The following COL4A6 variants were observed in gnomAD, a reference collection of about 807,000 sequenced individuals.
The protein encoded by COL4A6 is collagen alpha-6(IV) chain.
In COL4A6, 59 loss-of-function variants were observed where a neutral mutation model predicts 126.7. The ratio of observed to expected loss-of-function variants is 0.47; its 90% CI spans 0.38 to 0.58. The LOEUF is 0.58. COL4A6 is among the 20% of genes least tolerant of loss of function. COL4A6 has a pLI of 0.00. For missense variants in COL4A6, 1,285 were observed against 1,337.3 expected (o/e 0.96, Z 0.61); for synonymous variants, 547 against 496.6 (o/e 1.10, Z -1.35).
At position 108,196,729 on chromosome X, in the gene COL4A6, A is replaced by G. The variant is rs2035231589; in HGVS notation, c.835-150T>C. ...TCTCTTGTCACTGCCTGAGAAGCAC[A>G]TAGGGTCTGAATATAAATTGGACCA... On this transcript the variant is annotated intron_variant, in intron 13 of 44. Coordinates refer to ENST00000334504, the MANE Select transcript of COL4A6 (RefSeq NM_033641.4). 3 of 458,671 alleles carry G rather than the reference A, an allele frequency of 6.5e-6. No individual in the cohort carries two copies. The Admixed American group carries it at 1.2e-4, about 18-fold the overall frequency. 37.8% of individuals were successfully genotyped at this position (458,671 alleles called of 1,213,427 possible). A position where few individuals can be genotyped will look rare whatever the true frequency, so the allele number is the denominator to read the frequency against.
intron 2 of COL4A6, among the ~76,000 whole-genome samples, chrX:108,376,476 C>G (rs5973826): frequency 0.079 from 8,733 of 111,187 alleles, 758 homozygotes; most frequent in African/African-American, 0.25. Flanking sequence ...ATGGTGGCAC[C>G]TGCCTGTAGT....
chrX:108,170,255 C>T (rs1344008198), intron 35 of COL4A6, among the ~76,000 whole-genome samples: 1 of 112,363 alleles, frequency 8.9e-6, no homozygotes, highest in Non-Finnish European at 1.9e-5. Context: ...GATGGCAGCT[C>T]ATTAGGTATC....
chrX:108,168,046 C>A (rs949918581), intron 37 of COL4A6, among the ~76,000 whole-genome samples: 12 of 112,093 alleles, frequency 1.1e-4, no homozygotes, highest in Non-Finnish European at 2.3e-4. Context: ...TTGATGGAAT[C>A]ATACCAAATG....
chrX:108,379,865 T>C (rs1181162840), intron 2 of COL4A6, among the ~76,000 whole-genome samples: 4 of 110,458 alleles, frequency 3.6e-5, no homozygotes, highest in Non-Finnish European at 7.6e-5. Context: ...AGAATATCCC[T>C]CCAGCAGTTG....
At chrX:108,268,319 T>C (rs1302914388) in intron 3 of COL4A6, 1 of 112,668 alleles carries the variant, frequency 8.9e-6, no homozygotes, top group Non-Finnish European at 1.9e-5. Flanking sequence ...TCAGCTAATA[T>C]TAATAATGAC....
chrX:108,397,280 T>C (rs1387602330), intron 2 of COL4A6, among the ~76,000 whole-genome samples: 1 of 111,879 alleles, frequency 8.9e-6, no homozygotes, highest in Non-Finnish European at 1.9e-5. Flanking sequence ...CTATTCTACA[T>C]AGAAATTATG....
intron 4 of COL4A6, among the ~76,000 whole-genome samples, chrX:108,220,472 A>G (rs1188899638): frequency 8.9e-6 from 1 of 112,211 alleles, no homozygotes; most frequent in Admixed American, 9.4e-5. Context: ...GAAGGTGATT[A>G]AAGTAGGCAG....
intron 2 of COL4A6, among the ~76,000 whole-genome samples, chrX:108,429,322 GTT>G (rs2064140499): frequency 8.9e-6 from 1 of 111,969 alleles, no homozygotes; most frequent in Non-Finnish European, 1.9e-5. Flanking sequence ...TGTGGAGACA[GTT>G]ATAAAACTGT....
intron 25 of COL4A6, 109 bp downstream of exon 25, chrX:108,180,406 G>T: frequency 1.5e-6 from 1 of 649,616 alleles, no homozygotes; most frequent in Non-Finnish European, 2.4e-6. Context: ...GAGCAAACTT[G>T]GCTTCCTGTA....
intron 2 of COL4A6, among the ~76,000 whole-genome samples, chrX:108,373,433 AC>A (rs2040370034): frequency 9.0e-6 from 1 of 111,664 alleles, no homozygotes; most frequent in African/African-American, 3.3e-5. Context: ...CATAGTGCTG[AC>A]CCTGAATTGT....
Position 108,310,776 on chromosome X carries a change from C to T in COL4A6, c.116G>A (p.Cys39Tyr). ...PCGGQDCSGS[C>Y]QCFPEKGARG... ...CGCTCCTTTCTCAGGAAAACACTGA[C>T]AGCTCCCACTGCAGTCCTGGCCCCC... The change falls in exon 3 of 45, where the codon TGT becomes TAT. Residue 39 changes from cysteine to tyrosine, a missense_variant. Transcript: ENST00000334504. 1 of 1,210,804 alleles carries T rather than the reference C, an allele frequency of 8.3e-7. No homozygotes were observed. Among genetic ancestry groups the T allele is most frequent in the Admixed American group, 2.2e-5 (1 of 46,015 alleles).
chrX:108,238,957 C>T (rs1424980412), intron 3 of COL4A6, among the ~76,000 whole-genome samples: 3 of 112,400 alleles, frequency 2.7e-5, no homozygotes, highest in African/African-American at 9.7e-5. Flanking sequence ...GGCTAATCAT[C>T]TCTTCATAGG....
chrX:108,318,080 A>G (rs1324335898), intron 2 of COL4A6, among the ~76,000 whole-genome samples: 1 of 112,194 alleles, frequency 8.9e-6, no homozygotes, highest in East Asian at 2.8e-4. Context: ...TATGCAAATC[A>G]ATAAATGTAA....
intron 3 of COL4A6, among the ~76,000 whole-genome samples, chrX:108,289,585 T>C (rs751646550): frequency 9.0e-6 from 1 of 111,376 alleles, no homozygotes; most frequent in South Asian, 3.8e-4. Context: ...CTCTAATTAT[T>C]GTAGGTGCAA....
At chrX:108,350,274 A>G (rs2039809155) in intron 2 of COL4A6, among the ~76,000 whole-genome samples, 1 of 112,092 alleles carries the variant, frequency 8.9e-6, no homozygotes. Context: ...CAGGAATAAT[A>G]TTTTGGAAAA....
chrX:108,414,786 T>C (rs1482969484), intron 2 of COL4A6, among the ~76,000 whole-genome samples: 2 of 111,011 alleles, frequency 1.8e-5, no homozygotes, highest in Non-Finnish European at 3.8e-5. Flanking sequence ...AGTGAGATCC[T>C]GTCTCAAAAA....
chrX:108,248,243 A>G (rs1359657289), intron 3 of COL4A6, among the ~76,000 whole-genome samples: 1 of 111,779 alleles, frequency 8.9e-6, no homozygotes, highest in Admixed American at 9.5e-5. Flanking sequence ...ATGAATATAC[A>G]TATATTGAGG....
chrX:108,209,097 G>A (rs1010456318), intron 8 of COL4A6, among the ~76,000 whole-genome samples: 6 of 111,910 alleles, frequency 5.4e-5, no homozygotes, highest in African/African-American at 1.9e-4. Context: ...TATGGCCTTG[G>A]TCCTTATTCA....
rs2148236142 is a variant in COL4A6, at chrX:108,214,114, G to T, written c.439C>A (p.Pro147Thr). ...AATGCAAATATCTGGCAGCATACGGGTGGTCCGAGAAGCCCAGGATAGCCA... is the reference window on the plus strand; with the variant it reads ...AATGCAAATATCTGGCAGCATACGGTTGGTCCGAGAAGCCCAGGATAGCCA... ...PDGYPGLLGP[P>T]GLPGQKGSKG... The change falls in exon 6 of 45, where the codon CCC (proline) becomes ACC (threonine). Residue 147 changes from proline (P) to threonine (T), a missense_variant and splice_region_variant. Coordinates refer to ENST00000334504, the MANE Select transcript of COL4A6 (RefSeq NM_033641.4). 4 of 1,198,275 alleles carry T rather than the reference G, an allele frequency of 3.3e-6. No individual in the cohort carries two copies. The highest frequency in any genetic ancestry group is 4.5e-6 in the Non-Finnish European group (4 of 884,156).
Sources: gnomAD v4.1 joint callset for allele counts (sites outside exome capture counted in the v4.1 genomes callset) on GRCh38, gnomAD v4.1.1 for gene constraint, MANE v1.5 for transcripts, NCBI Gene and HGNC (gene_info 2026-07-23, HGNC 2026-07-21) for gene names.